KSR2: variants seen among roughly 807,000 people sequenced by gnomAD.
KSR2 encodes kinase suppressor of ras 2.
Under a neutral mutation model 107.8 loss-of-function variants are expected in KSR2, and 25 were observed. The observed-to-expected ratio is 0.23, with a 90% CI of 0.17 to 0.32. KSR2 has a LOEUF of 0.32. Among genes scored for constraint, KSR2 ranks in the 10% least tolerant of loss-of-function variants. The pLI, the probability that KSR2 is intolerant of heterozygous loss-of-function variation, is 1.00. For synonymous variants in KSR2, 480 were observed against 507.0 expected (o/e 0.95, Z 0.71); for missense variants, 887 against 1,268.9 (o/e 0.70, Z 4.57).
At chr12:117,625,002 G>A (rs149950448) in intron 5 of KSR2, among the ~76,000 whole-genome samples, 1,988 of 152,204 alleles carry the variant, frequency 0.013, 45 homozygotes, top group African/African-American at 0.046. Context: ...TTGGCTCTCC[G>A]TTTGTCTGTT....
Position 117,515,861 on chromosome 12 carries a change from G to A in KSR2, c.2219+8991C>T, listed in dbSNP as rs558730772. Among the ~76,000 whole-genome samples the A allele has an allele frequency of 3.9e-5, 6 of 152,362 alleles. No individual in the cohort carries two copies. The South Asian group carries it at 1.0e-3, about 26-fold the overall frequency. ...GAATTACTTGAATCCAGGAGGCGCA[G>A]GTTGCAGTGAACTGAGATTGTGCCA... On this transcript the variant is annotated intron_variant, in intron 14 of 19. Coordinates refer to ENST00000339824, the MANE Select transcript of KSR2 (RefSeq NM_173598.6).
Position 117,540,993 on chromosome 12 carries a change from T to C in KSR2, c.1519-1106A>G, listed in dbSNP as rs187706731. Among the ~76,000 whole-genome samples the C allele has an allele frequency of 4.6e-5, 7 of 152,378 alleles. No individual in the cohort carries two copies. The East Asian group carries it at 1.3e-3, about 29-fold the overall frequency. ...TCTTTTCTGTACATCCTGGGCAAAA[T>C]GCCCAACCTTTCCATTCCTCGGTTT... On this transcript the variant is annotated intron_variant, in intron 9 of 19. Transcript: ENST00000339824.
intron 17 of KSR2, among the ~76,000 whole-genome samples, chr12:117,473,575 T>C (rs1408795175): frequency 3.3e-5 from 5 of 152,178 alleles, no homozygotes; most frequent in African/African-American, 1.2e-4. Context: ...TGGCTGGCGA[T>C]TGGAGTCTGG....
intron 5 of KSR2, among the ~76,000 whole-genome samples, chr12:117,615,185 G>C (rs17618724): frequency 0.038 from 5,738 of 150,918 alleles, 248 homozygotes; most frequent in East Asian, 0.24. Context: ...TCAGAGTCCT[G>C]AGGAAGCATG....
intron 5 of KSR2, among the ~76,000 whole-genome samples, chr12:117,597,542 G>A (rs528007753): frequency 6.6e-6 from 1 of 152,300 alleles, no homozygotes; most frequent in African/African-American, 2.4e-5. Context: ...TCTGGAAGAT[G>A]GGAAAGATGT....
intron 4 of KSR2, among the ~76,000 whole-genome samples, chr12:117,691,605 T>C (rs1264913582): frequency 6.6e-6 from 1 of 152,212 alleles, no homozygotes; most frequent in East Asian, 1.9e-4. Context: ...CATCAAGATC[T>C]TCCAAAAGAC....
chr12:117,532,242 T>A (rs185103748), intron 10 of KSR2, among the ~76,000 whole-genome samples: 1 of 152,338 alleles, frequency 6.6e-6, no homozygotes, highest in Non-Finnish European at 1.5e-5. Context: ...GAAATAAGTC[T>A]TACAGGGCTG....
At chr12:117,810,622 T>C (rs1238416216) in intron 3 of KSR2, among the ~76,000 whole-genome samples, 1 of 152,232 alleles carries the variant, frequency 6.6e-6, no homozygotes, top group Non-Finnish European at 1.5e-5. Flanking sequence ...CCTGTCTCAA[T>C]TTTAAAGGTG....
intron 1 of KSR2, among the ~76,000 whole-genome samples, chr12:117,967,389 T>G (rs1423293146): frequency 1.3e-5 from 2 of 152,186 alleles, no homozygotes; most frequent in African/African-American, 4.8e-5. Flanking sequence ...TGTGTGCTGA[T>G]TGAGGCATAT....
chr12:117,553,862 C>CTCT (rs1491148892), intron 9 of KSR2, among the ~76,000 whole-genome samples: 7 of 141,134 alleles, frequency 5.0e-5, no homozygotes, highest in African/African-American at 9.2e-5. Context: ...TCTCTCTCTC[C>CTCT]CTCTCTCATG....
At chr12:117,763,070 G>A (rs1889104145) in intron 3 of KSR2, among the ~76,000 whole-genome samples, 1 of 151,754 alleles carries the variant, frequency 6.6e-6, no homozygotes, top group Non-Finnish European at 1.5e-5. Flanking sequence ...TCCCCAGAGT[G>A]TGATGTTCCC....
chr12:117,786,359 T>C (rs1007263493), intron 3 of KSR2, among the ~76,000 whole-genome samples: 6 of 152,178 alleles, frequency 3.9e-5, no homozygotes, highest in African/African-American at 1.2e-4. Context: ...GGTTCAGTGG[T>C]ACATGTGCAG....
chr12:117,458,180 G>C lies in KSR2; in HGVS notation c.*9019C>G, dbSNP rs529606685. ...AGAAATCTCTGTCAGAGAGGACAGA[G>C]GTTCACTGAATTCCAGACAAACCCA... On this transcript the variant is annotated 3_prime_UTR_variant, in exon 20 of 20. Transcript: ENST00000339824. The C allele has an allele frequency of 5.3e-5, 8 of 152,328 alleles. 1 individual carries two copies. The South Asian group carries it at 1.2e-3, about 24-fold the overall frequency. The allele number at this position is 152,328 out of a possible 1,614,324, so 9.4% of individuals were successfully genotyped here.
intron 7 of KSR2, among the ~76,000 whole-genome samples, chr12:117,572,450 C>A (rs954824541): frequency 6.6e-6 from 1 of 152,044 alleles, no homozygotes; most frequent in Non-Finnish European, 1.5e-5. Context: ...ATAGGTGGGG[C>A]CAGGGCACAC....
At chr12:117,517,988 T>C (rs1874488021) in intron 14 of KSR2, 6 of 399,566 alleles carry the variant, frequency 1.5e-5, no homozygotes, top group South Asian at 1.1e-4. Context: ...CTATTATATT[T>C]GAAAGCATGG....
rs751235885 is a variant in KSR2, at chr12:117,634,616, G to T, written c.1171+32858C>A. Among the ~76,000 whole-genome samples, 47 of 152,096 alleles carry T rather than the reference G, an allele frequency of 3.1e-4. 1 individual carries two copies. The highest frequency in any genetic ancestry group is 1.1e-3 in the African/African-American group (45 of 41,410). ...GGAATTGCCCTCTCGGGTGACACTC[G>T]CATGGCTAAGAGAACCGGCCACAGG... On this transcript the variant is annotated intron_variant, in intron 5 of 19. Coordinates refer to ENST00000339824, the MANE Select transcript of KSR2 (RefSeq NM_173598.6).
At chr12:117,807,561 C>T (rs1466673939) in intron 3 of KSR2, among the ~76,000 whole-genome samples, 1 of 152,206 alleles carries the variant, frequency 6.6e-6, no homozygotes, top group Non-Finnish European at 1.5e-5. Context: ...AGAAGTCCTG[C>T]AGGAAAGAAA....
chr12:117,868,757 CT>C (rs111436269), intron 1 of KSR2, among the ~76,000 whole-genome samples: 96,729 of 148,042 alleles, frequency 0.65, 32,098 homozygotes, highest in African/African-American at 0.75. Context: ...ATTTTCTTTT[CT>C]TTTTTTTTTT....
chr12:117,464,274 C>G lies in KSR2; in HGVS notation c.*2925G>C, dbSNP rs1871043738. The G allele has an allele frequency of 6.6e-6, 1 of 152,190 alleles. No individual in the cohort carries two copies. Among genetic ancestry groups the G allele is most frequent in the South Asian group, 2.1e-4 (1 of 4,828 alleles). 9.4% of individuals were successfully genotyped at this position (152,190 alleles called of 1,614,324 possible). A position where few individuals can be genotyped will look rare whatever the true frequency, so the allele number is the denominator to read the frequency against. ...TGAATCTTCACCCTGTGGACTGGTC[C>G]CCTCGGGAAGCCCATGTATATGACG... On this transcript the variant is annotated 3_prime_UTR_variant, in exon 20 of 20. Coordinates refer to ENST00000339824, the MANE Select transcript of KSR2 (RefSeq NM_173598.6).
Sources: gnomAD v4.1 joint callset for allele counts (sites outside exome capture counted in the v4.1 genomes callset) on GRCh38, gnomAD v4.1.1 for gene constraint, MANE v1.5 for transcripts, NCBI Gene and HGNC (gene_info 2026-07-23, HGNC 2026-07-21) for gene names.